PCDHGB1: variants seen among roughly 807,000 people sequenced by gnomAD.
PCDHGB1 encodes protocadherin gamma subfamily B, 1.
A neutral mutation model predicts 56.6 loss-of-function variants in PCDHGB1; 34 were observed. That is an observed-to-expected ratio of 0.60 (90% CI 0.46 to 0.80). PCDHGB1 has a LOEUF of 0.80. Among genes scored for constraint, PCDHGB1 ranks in the 30% least tolerant of loss-of-function variants. The pLI is 0.00. For missense variants in PCDHGB1, 1,278 were observed against 1,204.6 expected, an observed-to-expected ratio of 1.06 and a Z score of -0.90; for synonymous variants, 561 against 505.9, an observed-to-expected ratio of 1.11 and a Z score of -1.46.
At chr5:141,465,767 T>A (rs1427458413) in intron 1 of PCDHGB1, among the ~76,000 whole-genome samples, 1 of 152,016 alleles carries the variant, frequency 6.6e-6, no homozygotes, top group Non-Finnish European at 1.5e-5. Context: ...TCATGTTTCA[T>A]CTCTTGTTAC....
chr5:141,507,570 G>A (rs562674847), intron 3 of PCDHGB1, among the ~76,000 whole-genome samples: 1 of 152,366 alleles, frequency 6.6e-6, no homozygotes, highest in South Asian at 2.1e-4. Flanking sequence ...CTGGGTCTGA[G>A]GAGATGCCAA....
intron 1 of PCDHGB1, chr5:141,399,680 A>T: frequency 6.2e-7 from 1 of 1,613,514 alleles, no homozygotes; most frequent in Non-Finnish European, 8.5e-7. Context: ...GCCTTTGACT[A>T]CGAGCAGCTG....
At chr5:141,380,329 C>G (rs2150159068) in intron 1 of PCDHGB1, among the ~76,000 whole-genome samples, 1 of 152,142 alleles carries the variant, frequency 6.6e-6, no homozygotes, top group Non-Finnish European at 1.5e-5. Flanking sequence ...CTAAATGGAA[C>G]TTCAAAGAAC....
intron 1 of PCDHGB1, chr5:141,399,545 C>T (rs978973236): frequency 6.2e-7 from 1 of 1,614,050 alleles, no homozygotes; most frequent in African/African-American, 1.3e-5. Flanking sequence ...GTCTGCGCCT[C>T]GGACCTGGAC....
chr5:141,431,603 C>T lies in PCDHGB1; in HGVS notation c.2410-63204C>T, dbSNP rs746243366. On this transcript the variant is annotated intron_variant, in intron 1 of 3. Coordinates refer to ENST00000523390, the MANE Select transcript of PCDHGB1 (RefSeq NM_018922.3). This position sits in a 1 kb window ranked among gnomAD's most constrained non-coding sequence, Gnocchi z 4.8. ...CAATGCGGAAGTGAGGTATTCCTTC[C>T]GGTATGTGGACGACAAGGCGGCCCA... is the stretch of plus-strand genomic sequence containing the variant. 1.1e-5 allele frequency: 17 copies of T among 1,614,212 alleles called. No individual in the cohort carries two copies. Among genetic ancestry groups the T allele is most frequent in the Non-Finnish European group, 1.4e-5 (16 of 1,180,044 alleles).
intron 1 of PCDHGB1, among the ~76,000 whole-genome samples, chr5:141,463,706 A>T (rs568865377): frequency 2.9e-3 from 440 of 152,024 alleles, no homozygotes; most frequent in Non-Finnish European, 4.6e-3. Context: ...TCGGCCTCCA[A>T]AAGTGCTGGG....
Position 141,477,265 on chromosome 5 carries a change from G to T in PCDHGB1, c.2410-17542G>T. On this transcript the variant is annotated intron_variant, in intron 1 of 3. Coordinates refer to ENST00000523390, the MANE Select transcript of PCDHGB1 (RefSeq NM_018922.3). The surrounding 1 kb of genome is among the most constrained non-coding windows in gnomAD (Gnocchi z 4.9). ...GTGTGACTGACCTGGATGCTGGCGA[G>T]AACGGGCTGGTGACCTGCGAAGTTC... 6.2e-7 allele frequency: 1 copy of T among 1,614,198 alleles called. No individual in the cohort carries two copies. Among genetic ancestry groups the T allele is most frequent in the Non-Finnish European group, 8.5e-7 (1 of 1,180,044 alleles).
chr5:141,360,247 C>G (rs762222973), intron 1 of PCDHGB1: 2 of 1,613,916 alleles, frequency 1.2e-6, no homozygotes, highest in Non-Finnish European at 1.7e-6. Flanking sequence ...CTATTCAATT[C>G]CAGAGGAGCT....
At chr5:141,375,348 T>A in intron 1 of PCDHGB1, 1 of 1,613,870 alleles carries the variant, frequency 6.2e-7, no homozygotes, top group Non-Finnish European at 8.5e-7. Flanking sequence ...AACATCACTG[T>A]GACAGCCACG....
chr5:141,460,669 TTATATATC>T (rs1176483278), intron 1 of PCDHGB1, among the ~76,000 whole-genome samples: 1 of 152,032 alleles, frequency 6.6e-6, no homozygotes, highest in African/African-American at 2.4e-5. Flanking sequence ...GTAAACACAG[TTATATATC>T]TATATATCCA....
At chr5:141,364,558 C>T in intron 1 of PCDHGB1, 1 of 1,614,026 alleles carries the variant, frequency 6.2e-7, no homozygotes, top group Non-Finnish European at 8.5e-7. Flanking sequence ...AGCTTTTTGC[C>T]CTGAACCCGC....
At position 141,431,776 on chromosome 5, in the gene PCDHGB1, C is replaced by A; in HGVS notation, c.2410-63031C>A. Reference sequence around the variant, plus strand: ...CCAAAGTCCTGATCACTGTTCTGGACGTGAACGACAATGCCCCAGAAGTGG... The same window carrying A: ...CCAAAGTCCTGATCACTGTTCTGGAAGTGAACGACAATGCCCCAGAAGTGG... On this transcript the variant is annotated intron_variant, in intron 1 of 3. Coordinates refer to ENST00000523390, the MANE Select transcript of PCDHGB1 (RefSeq NM_018922.3). The surrounding 1 kb of genome is among the most constrained non-coding windows in gnomAD (Gnocchi z 4.8). The A allele has an allele frequency of 6.2e-7, 1 of 1,614,228 alleles. No homozygotes were observed. The highest frequency in any genetic ancestry group is 8.5e-7 in the Non-Finnish European group (1 of 1,180,044).
At chr5:141,378,972 G>A (rs2150135353) in intron 1 of PCDHGB1, 1 of 152,298 alleles carries the variant, frequency 6.6e-6, no homozygotes, top group Middle Eastern at 3.4e-3. Context: ...CTAATTTGAT[G>A]ACTTGTTGAA....
At chr5:141,402,456 C>T (rs1052745008) in intron 1 of PCDHGB1, among the ~76,000 whole-genome samples, 1 of 152,050 alleles carries the variant, frequency 6.6e-6, no homozygotes, top group African/African-American at 2.4e-5. Flanking sequence ...TAATAGTTTA[C>T]ATATCTAGAA....
In PCDHGB1 at chr5:141,490,803, C is replaced by A; in HGVS notation, c.2410-4004C>A. The A allele has an allele frequency of 6.2e-7, 1 of 1,613,956 alleles. No homozygotes were observed. Among genetic ancestry groups the A allele is most frequent in the South Asian group, 1.1e-5 (1 of 91,080 alleles). On this transcript the variant is annotated intron_variant, in intron 1 of 3. Transcript: ENST00000523390. The surrounding 1 kb of genome is among the most constrained non-coding windows in gnomAD (Gnocchi z 5.4). ...ATGGACGGATCTTTGCCCAGCGTAC[C>A]TTTGACTATGAATTGCTGCAGATGC...
intron 1 of PCDHGB1, among the ~76,000 whole-genome samples, chr5:141,437,452 G>GACTAT (rs1319101256): frequency 6.6e-6 from 1 of 152,144 alleles, no homozygotes; most frequent in Non-Finnish European, 1.5e-5. Context: ...ATGTTGAGGA[G>GACTAT]ACTATACTAT....
In PCDHGB1 at chr5:141,351,438, C is replaced by G; in HGVS notation, c.1178C>G (p.Thr393Ser). Residue 393 changes from threonine (T) to serine (S), a missense_variant, in exon 1 of 4, where the codon ACC becomes AGC. Physicochemically the swap from Thr to Ser is moderately conservative, Grantham distance 58. Transcript: ENST00000523390. ...GAAGTTCCTTTCAAATTAGAATCCA[C>G]CTCGAAGAATTATTACAAGCTGGTG... is the stretch of plus-strand genomic sequence containing the variant. ...QEEVPFKLES[T>S]SKNYYKLVIA... The G allele has an allele frequency of 6.2e-7, 1 of 1,612,402 alleles. No homozygotes were observed. Among genetic ancestry groups the G allele is most frequent in the Non-Finnish European group, 8.5e-7 (1 of 1,179,040 alleles).
chr5:141,357,462 C>T (rs760328261), intron 1 of PCDHGB1: 7 of 1,614,072 alleles, frequency 4.3e-6, no homozygotes, highest in Middle Eastern at 1.7e-4. Flanking sequence ...AGACCTATTC[C>T]CACGAGGTCT....
intron 1 of PCDHGB1, among the ~76,000 whole-genome samples, chr5:141,467,032 T>G (rs551565159): frequency 2.0e-5 from 3 of 152,164 alleles, no homozygotes; most frequent in Non-Finnish European, 2.9e-5. Flanking sequence ...GTTTTTGTTT[T>G]TTGTGTAATG....
Sources: gnomAD v4.1 joint callset for allele counts (sites outside exome capture counted in the v4.1 genomes callset) on GRCh38, gnomAD v4.1.1 for gene constraint, Gnocchi (gnomAD v3.1) non-coding constraint, MANE v1.5 for transcripts, NCBI Gene and HGNC (gene_info 2026-07-23, HGNC 2026-07-21) for gene names.